The following SNX13 variants were observed in gnomAD, a reference collection of about 807,000 sequenced individuals.
SNX13 encodes the protein sorting nexin 13, also known as sorting nexin-13.
SNX13 carries 45 observed loss-of-function variants against 133.6 expected under a neutral mutation model. The ratio of observed to expected loss-of-function variants is 0.34; its 90% CI spans 0.27 to 0.43. SNX13 has a LOEUF of 0.43. SNX13 is among the 20% of genes least tolerant of loss of function. SNX13 has a pLI of 1.00. For missense variants in SNX13, 1,032 were observed against 1,145.1 expected (o/e 0.90, Z 1.43); for synonymous variants, 414 against 373.9 (o/e 1.11, Z -1.24).
intron 12 of SNX13, among the ~76,000 whole-genome samples, chr7:17,845,153 T>TAC (rs71010276): frequency 0.47 from 70,264 of 148,748 alleles, 17,110 homozygotes; most frequent in Non-Finnish European, 0.54. Flanking sequence ...TGCGTGTGTG[T>TAC]ACACACACAC....
At chr7:17,861,007 G>A (rs145823463) in intron 9 of SNX13, among the ~76,000 whole-genome samples, 34 of 152,184 alleles carry the variant, frequency 2.2e-4, no homozygotes, top group African/African-American at 7.7e-4. Flanking sequence ...CATAGTATGT[G>A]TTTCCATTTA....
chr7:17,907,940 C>T (rs964802665), intron 1 of SNX13, among the ~76,000 whole-genome samples: 5 of 152,252 alleles, frequency 3.3e-5, no homozygotes, highest in African/African-American at 1.2e-4. Flanking sequence ...TGTACTGTGA[C>T]TTCCAAAACT....
At chr7:17,939,719 T>C (rs1802557064) in intron 1 of SNX13, among the ~76,000 whole-genome samples, 1 of 152,094 alleles carries the variant, frequency 6.6e-6, no homozygotes, top group African/African-American at 2.4e-5. Flanking sequence ...GAAAAGGTGA[T>C]GGATGTGGGG....
At chr7:17,908,284 C>A (rs1221267766) in intron 1 of SNX13, among the ~76,000 whole-genome samples, 12 of 152,080 alleles carry the variant, frequency 7.9e-5, no homozygotes, top group Non-Finnish European at 1.5e-4. Context: ...GACACAAAAC[C>A]TTCATTATAG....
At chr7:17,902,251 T>G (rs1158285897) in intron 1 of SNX13, among the ~76,000 whole-genome samples, 2 of 151,274 alleles carry the variant, frequency 1.3e-5, no homozygotes, top group Non-Finnish European at 3.0e-5. Flanking sequence ...GGTTTTTTTT[T>G]TTTTTTTTTT....
At position 17,792,038 on chromosome 7, in the gene SNX13, A is replaced by T. The variant is rs888943803; in HGVS notation, c.*2007T>A. On this transcript the variant is annotated 3_prime_UTR_variant, in exon 26 of 26. Transcript: ENST00000428135. ...ATATTACATGACCTTTATTTCCCTA[A>T]TTGATGGCCAGTGCTCCTCACATTA... 1 of 152,056 alleles carries T rather than the reference A, an allele frequency of 6.6e-6. No homozygotes were observed. Among genetic ancestry groups the T allele is most frequent in the African/African-American group, 2.4e-5 (1 of 41,422 alleles). The allele number at this position is 152,056 out of a possible 1,614,324, so 9.4% of individuals were successfully genotyped here. A position where few individuals can be genotyped will look rare whatever the true frequency, so the allele number is the denominator to read the frequency against.
At chr7:17,856,960 T>C (rs1294431184) in intron 9 of SNX13, among the ~76,000 whole-genome samples, 1 of 151,810 alleles carries the variant, frequency 6.6e-6, no homozygotes, top group Non-Finnish European at 1.5e-5. Flanking sequence ...TGAAAAGTGA[T>C]CTTTTAAAGG....
chr7:17,936,490 TTTA>T lies in SNX13; in HGVS notation c.12+3791_12+3793del, dbSNP rs199828542. 6.0e-3 allele frequency among the ~76,000 whole-genome samples: 909 copies of T among 152,336 alleles called. 10 individuals are homozygous for T. The highest frequency in any genetic ancestry group is 0.026 in the Admixed American group (401 of 15,298). ...CTAATAGCTTTAAATAGCTACACTG[TTTA>T]TTATTTTTTAAAACACAGGACAAGT... On this transcript the variant is annotated intron_variant, in intron 1 of 25. Coordinates refer to ENST00000428135, the MANE Select transcript of SNX13 (RefSeq NM_015132.5).
intron 9 of SNX13, among the ~76,000 whole-genome samples, chr7:17,860,246 G>T (rs561233028): frequency 6.6e-6 from 1 of 152,180 alleles, no homozygotes; most frequent in South Asian, 2.1e-4. Flanking sequence ...AATGATTAGG[G>T]ATGTTGCACA....
Position 17,796,759 on chromosome 7 carries a change from A to G in SNX13, c.2626+68T>C, listed in dbSNP as rs1784098833. On this transcript the variant is annotated intron_variant, in intron 25 of 25. Transcript: ENST00000428135. The stretch of plus-strand genomic sequence containing the variant: ...ATAATCAAAAGGCAGTTACACTGGC[A>G]TGATGAATGCTAAAAACTCAGAAGA... The G allele has an allele frequency of 3.5e-6, 4 of 1,130,462 alleles. No homozygotes were observed. The South Asian group carries it at 4.9e-5, about 14-fold the overall frequency. 70.0% of individuals were successfully genotyped at this position (1,130,462 alleles called of 1,614,324 possible). A position where few individuals can be genotyped will look rare whatever the true frequency, so the allele number is the denominator to read the frequency against.
chr7:17,845,775 A>G (rs1389795711), intron 11 of SNX13, 81 bp from the exon 12 acceptor site: 3 of 970,502 alleles, frequency 3.1e-6, no homozygotes, highest in Non-Finnish European at 4.5e-6. Flanking sequence ...TAAGGAAAAA[A>G]ATCAAGCTAA....
chr7:17,839,611 A>G lies in SNX13; in HGVS notation c.1359+196T>C, dbSNP rs191750073. On this transcript the variant is annotated intron_variant, in intron 13 of 25. Coordinates refer to ENST00000428135, the MANE Select transcript of SNX13 (RefSeq NM_015132.5). ...TCTTATTCTATCATTTAGTATTTGC[A>G]TGACTGTGGCCATGATAATTTGACT... 2.0e-5 allele frequency among the ~76,000 whole-genome samples: 3 copies of G among 152,056 alleles called. No homozygotes were observed. In the East Asian group the frequency reaches 5.8e-4, roughly 29 times the overall value.
At chr7:17,857,676 C>T (rs1404428290) in intron 9 of SNX13, among the ~76,000 whole-genome samples, 2 of 151,856 alleles carry the variant, frequency 1.3e-5, no homozygotes, top group South Asian at 2.1e-4. Context: ...CCCAGTTACT[C>T]GGGAGTCTGA....
intron 8 of SNX13, 124 bp downstream of exon 8, chr7:17,873,404 A>T: frequency 2.2e-6 from 1 of 452,732 alleles, no homozygotes; most frequent in Non-Finnish European, 3.8e-6. Context: ...AAACTCACAT[A>T]AACAAAAGCT....
intron 21 of SNX13, among the ~76,000 whole-genome samples, chr7:17,802,504 CAAAGA>C (rs1784746468): frequency 1.3e-5 from 2 of 151,994 alleles, no homozygotes; most frequent in Non-Finnish European, 2.9e-5. Context: ...TTGGTGATGA[CAAAGA>C]GGCCTAGAAA....
chr7:17,855,792 T>A (rs1177066063), intron 9 of SNX13, among the ~76,000 whole-genome samples: 1 of 152,236 alleles, frequency 6.6e-6, no homozygotes, highest in Non-Finnish European at 1.5e-5. Context: ...CAATATCCAT[T>A]GTGCAGCCCA....
chr7:17,873,113 T>C (rs1051444272), intron 8 of SNX13, among the ~76,000 whole-genome samples: 2 of 152,168 alleles, frequency 1.3e-5, no homozygotes, highest in Non-Finnish European at 1.5e-5. Context: ...CCAAAGCACC[T>C]AACTATCAGC....
At chr7:17,851,186 C>A (rs1028285962) in intron 9 of SNX13, among the ~76,000 whole-genome samples, 3 of 152,220 alleles carry the variant, frequency 2.0e-5, no homozygotes, top group African/African-American at 7.2e-5. Context: ...GGAATAGGAA[C>A]ATGCTCACAG....
intron 5 of SNX13, among the ~76,000 whole-genome samples, chr7:17,887,181 T>C (rs1268661951): frequency 6.6e-6 from 1 of 152,190 alleles, no homozygotes; most frequent in Non-Finnish European, 1.5e-5. Flanking sequence ...ATCATCTCAT[T>C]TTCCCCTTAC....
Sources: gnomAD v4.1 joint callset for allele counts (sites outside exome capture counted in the v4.1 genomes callset) on GRCh38, gnomAD v4.1.1 for gene constraint, MANE v1.5 for transcripts, NCBI Gene and HGNC (gene_info 2026-07-23, HGNC 2026-07-21) for gene names.